The following CPNE4 variants were observed in gnomAD, a reference collection of about 807,000 sequenced individuals.
The protein encoded by CPNE4 is copine-4.
In CPNE4, 25 loss-of-function variants were observed where a neutral mutation model predicts 67.9. That is an observed-to-expected ratio of 0.37 (90% CI 0.27 to 0.51). The LOEUF (loss-of-function observed/expected upper bound fraction) is 0.51, where lower values mean the gene tolerates loss of function less well. Among genes scored for constraint, CPNE4 ranks in the 20% least tolerant of loss-of-function variants. The pLI, the probability that CPNE4 is intolerant of heterozygous loss-of-function variation, is 0.93. For missense variants in CPNE4, 464 were observed against 690.8 expected (o/e 0.67, Z 3.68); for synonymous variants, 242 against 244.9 (o/e 0.99, Z 0.11).
At chr3:131,914,968 T>A (rs187298039) in intron 1 of CPNE4, among the ~76,000 whole-genome samples, 1 of 152,140 alleles carries the variant, frequency 6.6e-6, no homozygotes, top group African/African-American at 2.4e-5. Flanking sequence ...AAGAGTGAAA[T>A]TCTGTCTCAA....
chr3:131,752,589 A>C (rs964700722), intron 2 of CPNE4, among the ~76,000 whole-genome samples: 6 of 152,088 alleles, frequency 3.9e-5, no homozygotes, highest in Non-Finnish European at 1.5e-5. Context: ...ATGTATTCTT[A>C]TGTTTGTTTT....
intron 1 of CPNE4, among the ~76,000 whole-genome samples, chr3:131,988,266 G>A (rs2073100976): frequency 6.6e-6 from 1 of 152,192 alleles, no homozygotes; most frequent in African/African-American, 2.4e-5. Context: ...TAAACAATGA[G>A]GTCACTGATC....
At chr3:131,741,616 T>G (rs1469855847) in intron 2 of CPNE4, among the ~76,000 whole-genome samples, 2 of 152,088 alleles carry the variant, frequency 1.3e-5, no homozygotes, top group Non-Finnish European at 2.9e-5. Flanking sequence ...AGGGAACACA[T>G]AAAGCACCTT....
In CPNE4 at chr3:131,771,475, T is replaced by C. The variant is rs377508998; in HGVS notation, c.181-47850A>G. 4.3e-4 allele frequency among the ~76,000 whole-genome samples: 65 copies of C among 152,214 alleles called. No individual in the cohort carries two copies. The South Asian group carries it at 0.013, about 31-fold the overall frequency. Reference sequence around the variant, plus strand: ...GGGGTGAGTAATAGAGTTGCTACTCTGTAACTTCCCATAAGAGCTGATTGT... The same window carrying C: ...GGGGTGAGTAATAGAGTTGCTACTCCGTAACTTCCCATAAGAGCTGATTGT... On this transcript the variant is annotated intron_variant, in intron 2 of 15. Coordinates refer to ENST00000429747, the MANE Select transcript of CPNE4 (RefSeq NM_130808.3).
At chr3:131,581,533 G>C in intron 9 of CPNE4, 46 bp downstream of exon 9, 1 of 1,266,814 alleles carries the variant, frequency 7.9e-7, no homozygotes, top group South Asian at 1.2e-5. Context: ...CTTCCTCTCA[G>C]ATAGCCCTAG....
At chr3:131,568,069 A>T (rs919826652) in intron 10 of CPNE4, among the ~76,000 whole-genome samples, 2 of 152,038 alleles carry the variant, frequency 1.3e-5, no homozygotes, top group African/African-American at 4.8e-5. Context: ...TAACTGATGA[A>T]AAAGGAAATA....
rs533938218 is a variant in CPNE4, at chr3:131,936,403, T to TG, written c.-1-30960dup. On this transcript the variant is annotated intron_variant, in intron 1 of 15. Coordinates refer to ENST00000429747, the MANE Select transcript of CPNE4 (RefSeq NM_130808.3). ...TGGGCAGAGCTGGTAGCAGAAGCCC[T>TG]GCTGTACTAAATCTGGTTGAGAGAA... Among the ~76,000 whole-genome samples the TG allele has an allele frequency of 2.3e-4, 35 of 152,160 alleles. No individual in the cohort carries two copies. In the South Asian group the frequency reaches 6.6e-3, roughly 29 times the overall value.
At chr3:131,585,376 G>T in intron 8 of CPNE4, among the ~76,000 whole-genome samples, 1 of 152,108 alleles carries the variant, frequency 6.6e-6, no homozygotes, top group Non-Finnish European at 1.5e-5. Context: ...GATAAATATT[G>T]TAGAAACAAT....
In CPNE4 at chr3:131,580,936, G is replaced by A. The variant is rs553150509; in HGVS notation, c.867+643C>T. 7.2e-5 allele frequency among the ~76,000 whole-genome samples: 11 copies of A among 152,290 alleles called. No homozygotes were observed. The South Asian group carries it at 2.1e-3, about 29-fold the overall frequency. ...TGCCTGTAATCCCAGCACTTTGGGAGGCTGAGGCAGGCGGATCATGAGGTC... is the reference window on the plus strand; with the variant it reads ...TGCCTGTAATCCCAGCACTTTGGGAAGCTGAGGCAGGCGGATCATGAGGTC... On this transcript the variant is annotated intron_variant, in intron 9 of 15. Coordinates refer to ENST00000429747, the MANE Select transcript of CPNE4 (RefSeq NM_130808.3).
chr3:131,964,069 T>C (rs1248943679), intron 1 of CPNE4, among the ~76,000 whole-genome samples: 1 of 152,136 alleles, frequency 6.6e-6, no homozygotes, highest in Non-Finnish European at 1.5e-5. Context: ...CCACTGGTGA[T>C]ACCCAGGCAA....
chr3:131,835,699 C>T (rs1394592109), intron 2 of CPNE4, among the ~76,000 whole-genome samples: 1 of 152,110 alleles, frequency 6.6e-6, no homozygotes, highest in Non-Finnish European at 1.5e-5. Flanking sequence ...TAGGGATGCC[C>T]CTTTTTTGCC....
chr3:131,906,960 T>TGGTA lies in CPNE4; in HGVS notation c.-1-1520_-1-1517dup, dbSNP rs1201981746. The stretch of plus-strand genomic sequence containing the variant: ...GATTGCCATTCTAACTGGTGTGAGA[T>TGGTA]GGTATCTCATTGTGGTTTTGATCTA... On this transcript the variant is annotated intron_variant, in intron 1 of 15. Transcript: ENST00000429747. 5.3e-5 allele frequency among the ~76,000 whole-genome samples: 8 copies of TGGTA among 152,102 alleles called. No homozygotes were observed. The South Asian group carries it at 6.2e-4, about 12-fold the overall frequency.
At chr3:131,571,247 C>T (rs983728641) in intron 10 of CPNE4, among the ~76,000 whole-genome samples, 1 of 152,036 alleles carries the variant, frequency 6.6e-6, no homozygotes, top group African/African-American at 2.4e-5. Flanking sequence ...GGCATTTCTT[C>T]TCTTAACTCT....
intron 2 of CPNE4, among the ~76,000 whole-genome samples, chr3:131,886,087 C>A (rs1396165687): frequency 6.6e-6 from 1 of 152,206 alleles, no homozygotes; most frequent in African/African-American, 2.4e-5. Flanking sequence ...TTCACAGCAG[C>A]CCCTCCCATC....
chr3:131,678,035 T>A (rs1016130593), intron 6 of CPNE4, among the ~76,000 whole-genome samples: 1 of 152,254 alleles, frequency 6.6e-6, no homozygotes, highest in African/African-American at 2.4e-5. Flanking sequence ...ATGCCCATTT[T>A]AATGATACTG....
At chr3:131,624,951 T>C (rs1305300094) in intron 7 of CPNE4, among the ~76,000 whole-genome samples, 1 of 152,172 alleles carries the variant, frequency 6.6e-6, no homozygotes, top group Non-Finnish European at 1.5e-5. Flanking sequence ...AAAATGGTGT[T>C]TTTAGCTTCT....
At chr3:131,684,618 A>G (rs1249072116) in intron 6 of CPNE4, among the ~76,000 whole-genome samples, 7 of 152,322 alleles carry the variant, frequency 4.6e-5, no homozygotes, top group African/African-American at 1.2e-4. Flanking sequence ...TGAATTTCCA[A>G]TGTGATGTTT....
intron 9 of CPNE4, among the ~76,000 whole-genome samples, chr3:131,579,042 CT>C (rs1274726083): frequency 5.9e-5 from 9 of 152,230 alleles, no homozygotes; most frequent in African/African-American, 2.2e-4. Context: ...GCCATCAGGA[CT>C]TTCCTGGCTA....
intron 1 of CPNE4, among the ~76,000 whole-genome samples, chr3:131,963,021 A>G (rs2072229547): frequency 6.6e-6 from 1 of 152,162 alleles, no homozygotes; most frequent in Non-Finnish European, 1.5e-5. Context: ...TGCAGAAGGC[A>G]GGTGATATCC....
Sources: allele counts gnomAD v4.1 joint callset (sites outside exome capture counted in the v4.1 genomes callset), GRCh38; gene constraint gnomAD v4.1.1; transcripts MANE v1.5; gene names NCBI Gene and HGNC (gene_info 2026-07-23, HGNC 2026-07-21).